The following PIEZO1 variants were observed in gnomAD, a reference collection of about 807,000 sequenced individuals.
PIEZO1 encodes the protein piezo type mechanosensitive ion channel component 1 (Er blood group), also known as piezo-type mechanosensitive ion channel component 1.
In PIEZO1, 296 loss-of-function variants were observed where a neutral mutation model predicts 297.2. That is an observed-to-expected ratio of 1.00 (90% CI 0.91 to 1.10). The LOEUF (loss-of-function observed/expected upper bound fraction) is 1.10. Ranked by LOEUF, PIEZO1 falls within the 50% of genes least tolerant of loss-of-function variation. The pLI, the probability that PIEZO1 is intolerant of heterozygous loss-of-function variation, is 0.00. For missense variants in PIEZO1, 5,018 were observed against 3,455.5 expected (o/e 1.45, Z -11.34); for synonymous variants, 2,427 against 1,507.5 (o/e 1.61, Z -14.13).
intron 1 of PIEZO1, among the ~76,000 whole-genome samples, chr16:88,756,626 G>A (rs761322665): frequency 6.6e-6 from 1 of 152,068 alleles, no homozygotes; most frequent in African/African-American, 2.4e-5. Context: ...AATGTATCTG[G>A]GTGTGGTGGT....
At chr16:88,743,080 C>T (rs1034434224) in intron 2 of PIEZO1, 1 of 456,468 alleles carries the variant, frequency 2.2e-6, no homozygotes, top group Non-Finnish European at 4.4e-6. Flanking sequence ...CCACACCTGG[C>T]AGGAAGCGGC....
At chr16:88,721,787 T>C (rs983269432) in intron 37 of PIEZO1, 21 bp downstream of exon 37, 2 of 1,524,074 alleles carry the variant, frequency 1.3e-6, no homozygotes, top group Non-Finnish European at 1.8e-6. Flanking sequence ...GGGCGCCCCC[T>C]CCCCCGCGGC....
At position 88,722,844 on chromosome 16, in the gene PIEZO1, A is replaced by AG; in HGVS notation, c.4660dup (p.Leu1554ProfsTer69). On this transcript the variant is annotated frameshift_variant, in exon 34 of 51. Transcript: ENST00000301015. LOFTEE classifies it high-confidence loss of function. ...GTGCACGGGCAGGCTCACCTGCAGG[A>AG]GCTCCTGTGTGAGGAGGTAGCGCTC... The AG allele has an allele frequency of 6.5e-7, 1 of 1,546,002 alleles. No homozygotes were observed. Among genetic ancestry groups the AG allele is most frequent in the Non-Finnish European group, 8.7e-7 (1 of 1,146,578 alleles).
In PIEZO1 at chr16:88,731,698, C is replaced by T; in HGVS notation, c.3196+8G>A. On this transcript the variant is annotated splice_region_variant and intron_variant, in intron 22 of 50. Coordinates refer to ENST00000301015, the MANE Select transcript of PIEZO1 (RefSeq NM_001142864.4). ...AGCCCACTCCCACCCAAGCCACGTGCCCCTCACCAATGCACAGGGCCGGGG... is the reference window on the plus strand; with the variant it reads ...AGCCCACTCCCACCCAAGCCACGTGTCCCTCACCAATGCACAGGGCCGGGG... 2 of 1,548,198 alleles carry T rather than the reference C, an allele frequency of 1.3e-6. No individual in the cohort carries two copies. Among genetic ancestry groups the T allele is most frequent in the Non-Finnish European group, 1.7e-6 (2 of 1,145,888 alleles).
chr16:88,770,416 G>C (rs551655505), intron 1 of PIEZO1, among the ~76,000 whole-genome samples: 72 of 152,342 alleles, frequency 4.7e-4, no homozygotes, highest in African/African-American at 1.6e-3. Flanking sequence ...TGTGGGGTGG[G>C]GGGACGGGAG....
In PIEZO1 at chr16:88,719,661, G is replaced by A. The variant is rs1236044689; in HGVS notation, c.6384C>T (p.Asp2128=). 3.9e-6 allele frequency: 6 copies of A among 1,553,966 alleles called. No individual in the cohort carries two copies. Among genetic ancestry groups the A allele is most frequent in the Middle Eastern group, 1.7e-4 (1 of 5,998 alleles). Residue 2128 remains aspartate, a synonymous_variant, in exon 44 of 51, where the codon GAC becomes GAT. Transcript: ENST00000301015. ...LRAVMDWVWT[D]TTLSLSSWMC... is the part of the protein sequence containing the mutation. ...TCCAGCTGGACAGGGACAGCGTGGT[G>A]TCCGTCCACACCCAGTCCATCACTG...
chr16:88,731,995 T>G (rs2142806747), intron 21 of PIEZO1, 85 bp from the exon 22 acceptor site: 2 of 7,112 alleles, frequency 2.8e-4, no homozygotes, highest in East Asian at 2.8e-3. Flanking sequence ...GCCTCAGGCT[T>G]GCAGCAGCCC....
Position 88,732,588 on chromosome 16 carries a change from C to T in PIEZO1, c.2790+19G>A, listed in dbSNP as rs1469083204. 1 of 1,545,280 alleles carries T rather than the reference C, an allele frequency of 6.5e-7. No homozygotes were observed. Among genetic ancestry groups the T allele is most frequent in the Non-Finnish European group, 8.7e-7 (1 of 1,143,222 alleles). ...CCGGGTACTCGCCCGCCCAGCCGCC[C>T]ACCAGCCCTTCAACTCACCTGGATG... On this transcript the variant is annotated intron_variant, in intron 20 of 50. Coordinates refer to ENST00000301015, the MANE Select transcript of PIEZO1 (RefSeq NM_001142864.4).
In PIEZO1 at chr16:88,721,684, G is replaced by A; in HGVS notation, c.5257C>T (p.Pro1753Ser). Residue 1753 changes from proline to serine, a missense_variant, in exon 38 of 51, where the codon CCC becomes TCC. Transcript: ENST00000301015. The part of the protein sequence containing the change: ...VKYLFQFGFF[P>S]WNSHVVLRRY... ...CGCAGCACCACGTGGCTGTTCCAGG[G>A]GAAGAACCCAAACTGGAACAGGTAC... The A allele has an allele frequency of 3.9e-6, 6 of 1,549,604 alleles. No homozygotes were observed. Among genetic ancestry groups the A allele is most frequent in the Non-Finnish European group, 5.2e-6 (6 of 1,146,716 alleles).
rs1049025824 is a variant in PIEZO1 at position 88,720,195 on chromosome 16, C to G, written c.6038G>C (p.Ser2013Thr). The G allele has an allele frequency of 9.0e-5, 140 of 1,550,436 alleles. No homozygotes were observed. Among genetic ancestry groups the G allele is most frequent in the Non-Finnish European group, 1.2e-4 (135 of 1,146,986 alleles). Residue 2013 changes from serine to threonine, a missense_variant, in exon 42 of 51, where the codon AGT becomes ACT. Coordinates refer to ENST00000301015, the MANE Select transcript of PIEZO1 (RefSeq NM_001142864.4). Reference protein sequence around the residue: ...AFLVMLLIQFSTMVVDRALYL... With the variant: ...AFLVMLLIQFTTMVVDRALYL... ...GAGGGCGCGGTCAACCACCATGGTA[C>G]TGAACTGGATCAGCAGCATGACCAG...
chr16:88,765,993 G>T (rs1182206448), intron 1 of PIEZO1, among the ~76,000 whole-genome samples: 2 of 152,128 alleles, frequency 1.3e-5, no homozygotes, highest in Admixed American at 6.6e-5. Context: ...TTCTGAACAG[G>T]GTGCTGAGGA....
rs776044477 is a variant in PIEZO1 at position 88,723,133 on chromosome 16, T to A, written c.4457A>T (p.Glu1486Val). 5 of 1,549,070 alleles carry A rather than the reference T, an allele frequency of 3.2e-6. No homozygotes were observed. The highest frequency in any genetic ancestry group is 4.4e-6 in the Non-Finnish European group (5 of 1,146,802). ...QLPTGGGPSQ[E>V]VEPAEGPEEA... ...CTCGGGGCCCTCTGCTGGCTCCACC[T>A]CCTGGCTGGGACCACCTCCTGGGCA... The change falls in exon 33 of 51, where the codon GAG (glutamate) becomes GTG (valine). Residue 1486 changes from glutamate (E) to valine (V), a missense_variant. Physicochemically the swap from Glu to Val is moderately radical, Grantham distance 121. Coordinates refer to ENST00000301015, the MANE Select transcript of PIEZO1 (RefSeq NM_001142864.4).
At position 88,734,064 on chromosome 16, in the gene PIEZO1, G is replaced by C. The variant is rs1309340833; in HGVS notation, c.2181-10C>G. ...ACTCACTGCATCCTGCCTGGGAGAG[G>C]GTCCGAAAATGTCATCTCCCAACTG... On this transcript the variant is annotated splice_polypyrimidine_tract_variant and intron_variant, in intron 16 of 50. Coordinates refer to ENST00000301015, the MANE Select transcript of PIEZO1 (RefSeq NM_001142864.4). The C allele has an allele frequency of 6.7e-7, 1 of 1,496,022 alleles. No individual in the cohort carries two copies. The highest frequency in any genetic ancestry group is 9.0e-7 in the Non-Finnish European group (1 of 1,114,546). The allele number at this position is 1,496,022 out of a possible 1,614,324, so 92.7% of individuals were successfully genotyped here. A position where few individuals can be genotyped will look rare whatever the true frequency, so the allele number is the denominator to read the frequency against.
At chr16:88,739,838 C>G (rs10852631) in intron 5 of PIEZO1, 71,105 of 151,880 alleles carry the variant, frequency 0.47, 17,176 homozygotes, top group Middle Eastern at 0.63. Flanking sequence ...TCGCTCACCC[C>G]ACCCACAGCC....
chr16:88,720,538 G>A lies in PIEZO1; in HGVS notation c.5802-6C>T. On this transcript the variant is annotated splice_polypyrimidine_tract_variant and splice_region_variant and intron_variant, in intron 40 of 50. Coordinates refer to ENST00000301015, the MANE Select transcript of PIEZO1 (RefSeq NM_001142864.4). Reference sequence around the variant, plus strand: ...GCCGATATGTGCCCTGGGCCCTGCGGAAGGGGGCGCTCAGCCTGGGCCCAG... The same window carrying A: ...GCCGATATGTGCCCTGGGCCCTGCGAAAGGGGGCGCTCAGCCTGGGCCCAG... 1 of 1,549,552 alleles carries A rather than the reference G, an allele frequency of 6.5e-7. No individual in the cohort carries two copies. The highest frequency in any genetic ancestry group is 8.7e-7 in the Non-Finnish European group (1 of 1,146,862).
intron 1 of PIEZO1, among the ~76,000 whole-genome samples, chr16:88,779,869 GGCCCCAC>G (rs1006763605): frequency 5.3e-5 from 8 of 152,236 alleles, no homozygotes; most frequent in African/African-American, 1.9e-4. Context: ...CGGGTCTCCT[GGCCCCAC>G]GATTGTGCGA....
At position 88,715,627 on chromosome 16, in the gene PIEZO1, T is replaced by C; in HGVS notation, c.7544A>G (p.Lys2515Arg). 6.5e-7 allele frequency: 1 copy of C among 1,550,090 alleles called. No homozygotes were observed. The highest frequency in any genetic ancestry group is 8.7e-7 in the Non-Finnish European group (1 of 1,146,900). The change falls in exon 51 of 51, where the codon AAG becomes AGG. Residue 2515 changes from lysine to arginine, a missense_variant. Physicochemically the swap from Lys to Arg is conservative, Grantham distance 26. Coordinates refer to ENST00000301015, the MANE Select transcript of PIEZO1 (RefSeq NM_001142864.4). ...FLYRSPETMI[K>R]WTREKE Reference sequence around the variant, plus strand: ...CTCCTACTCCTTCTCACGAGTCCACTTGATCATGGTCTCCGGTGAGCGGTA... The same window carrying C: ...CTCCTACTCCTTCTCACGAGTCCACCTGATCATGGTCTCCGGTGAGCGGTA...
At chr16:88,724,042 A>C in intron 30 of PIEZO1, 71 bp from the exon 31 acceptor site, 1 of 948,428 alleles carries the variant, frequency 1.1e-6, no homozygotes, top group Non-Finnish European at 1.6e-6. Context: ...CTCCGCCTGC[A>C]TGGGCCAAGG....
chr16:88,776,376 G>C (rs1206252123), intron 1 of PIEZO1, among the ~76,000 whole-genome samples: 1 of 152,124 alleles, frequency 6.6e-6, no homozygotes, highest in African/African-American at 2.4e-5. Context: ...AGAGCTTGCA[G>C]TGAGCCCAGA....
Sources: gnomAD v4.1 joint callset for allele counts (sites outside exome capture counted in the v4.1 genomes callset) on GRCh38, gnomAD v4.1.1 for gene constraint, MANE v1.5 for transcripts, NCBI Gene and HGNC (gene_info 2026-07-23, HGNC 2026-07-21) for gene names.